The following PTPRT variants were observed in gnomAD, a reference collection of about 807,000 sequenced individuals.
The protein encoded by PTPRT is receptor-type tyrosine-protein phosphatase T.
Under a neutral mutation model 176.8 loss-of-function variants are expected in PTPRT, and 56 were observed. The observed-to-expected ratio is 0.32, with a 90% confidence interval of 0.26 to 0.40. The LOEUF (loss-of-function observed/expected upper bound fraction) is 0.40. Among genes scored for constraint, PTPRT ranks in the 10% least tolerant of loss-of-function variants. PTPRT has a pLI of 1.00. For synonymous variants in PTPRT, 783 were observed against 739.0 expected, an observed-to-expected ratio of 1.06 and a Z score of -0.96; for missense variants, 1,540 against 1,908.2, an observed-to-expected ratio of 0.81 and a Z score of 3.60.
At chr20:42,108,248 G>GTTTA (rs1986660568) in intron 23 of PTPRT, among the ~76,000 whole-genome samples, 1 of 81,982 alleles carries the variant, frequency 1.2e-5, no homozygotes, top group Admixed American at 1.2e-4. Context: ...ACAAAGCTGT[G>GTTTA]TTTATTTCAT....
chr20:42,242,431 G>C (rs539527784), intron 14 of PTPRT, among the ~76,000 whole-genome samples: 3 of 152,328 alleles, frequency 2.0e-5, no homozygotes, highest in African/African-American at 7.2e-5. Flanking sequence ...TGAGGAAATG[G>C]GATGCAAATA....
intron 19 of PTPRT, 86 bp downstream of exon 19, chr20:42,128,668 A>T (rs1325340555): frequency 8.8e-6 from 11 of 1,249,072 alleles, no homozygotes; most frequent in Middle Eastern, 2.5e-4. Context: ...TGGAAGGGCC[A>T]CCTTCTGGAG....
intron 17 of PTPRT, among the ~76,000 whole-genome samples, chr20:42,146,331 C>T (rs1448367098): frequency 6.6e-6 from 1 of 152,158 alleles, no homozygotes. Context: ...AAACATGTCC[C>T]CCTGAAAGTG....
At chr20:43,083,347 T>TACATATATATATATATATATATAC (rs1555828979) in intron 1 of PTPRT, among the ~76,000 whole-genome samples, 5 of 97,784 alleles carry the variant, frequency 5.1e-5, no homozygotes, top group African/African-American at 1.1e-4. Flanking sequence ...TATATATATA[T>TACATATATATATATATATATATAC]ATATATATAT....
chr20:42,429,106 G>A (rs2059192984), intron 9 of PTPRT, among the ~76,000 whole-genome samples: 1 of 152,174 alleles, frequency 6.6e-6, no homozygotes, highest in South Asian at 2.1e-4. Flanking sequence ...GTTTTGTTTA[G>A]TAGTCAGGTC....
chr20:42,452,687 T>C (rs1568892709), intron 8 of PTPRT, among the ~76,000 whole-genome samples: 2 of 152,328 alleles, frequency 1.3e-5, no homozygotes, highest in East Asian at 1.9e-4. Context: ...ACTGTGAGCA[T>C]GAAACTCAAG....
At position 42,079,885 on chromosome 20, in the gene PTPRT, C is replaced by T. The variant is rs191518899; in HGVS notation, c.*994G>A. ...CATTGCCAGGAAAAAATAAAAGGCC[C>T]GAGAGATTTGTCTTAGAGGTACATA... On this transcript the variant is annotated 3_prime_UTR_variant, in exon 31 of 31. Coordinates refer to ENST00000373187, the MANE Select transcript of PTPRT (RefSeq NM_007050.6). The T allele has an allele frequency of 5.2e-5, 12 of 232,006 alleles. No individual in the cohort carries two copies. Among genetic ancestry groups the T allele is most frequent in the Non-Finnish European group, 1.0e-4 (12 of 117,368 alleles). 14.4% of individuals were successfully genotyped at this position (232,006 alleles called of 1,614,324 possible). A position where few individuals can be genotyped will look rare whatever the true frequency, so the allele number is the denominator to read the frequency against.
chr20:42,843,300 G>A (rs553790125), intron 2 of PTPRT, among the ~76,000 whole-genome samples: 39 of 152,182 alleles, frequency 2.6e-4, no homozygotes, highest in Non-Finnish European at 4.7e-4. Flanking sequence ...CCCGGCCTTC[G>A]TATGCTGATG....
chr20:42,542,504 G>C (rs2072601636), intron 7 of PTPRT, among the ~76,000 whole-genome samples: 1 of 152,112 alleles, frequency 6.6e-6, no homozygotes, highest in South Asian at 2.1e-4. Flanking sequence ...GACAGGACAA[G>C]TTAAAAATGT....
intron 12 of PTPRT, among the ~76,000 whole-genome samples, chr20:42,315,449 A>G (rs1414504298): frequency 2.0e-5 from 3 of 152,296 alleles, no homozygotes; most frequent in Non-Finnish European, 4.4e-5. Context: ...GGTTTTATGT[A>G]AAAAGCCATA....
At chr20:42,304,445 T>C (rs540654262) in intron 12 of PTPRT, among the ~76,000 whole-genome samples, 1 of 152,286 alleles carries the variant, frequency 6.6e-6, no homozygotes, top group East Asian at 1.9e-4. Context: ...TTATTCATCT[T>C]ATTATTTAAT....
At chr20:42,587,338 G>A (rs1010417828) in intron 7 of PTPRT, among the ~76,000 whole-genome samples, 1 of 152,230 alleles carries the variant, frequency 6.6e-6, no homozygotes, top group Non-Finnish European at 1.5e-5. Context: ...TGCCCAGCAT[G>A]GGGTCTGGCT....
At chr20:42,473,371 GA>G (rs1568911387) in intron 7 of PTPRT, among the ~76,000 whole-genome samples, 2 of 150,478 alleles carry the variant, frequency 1.3e-5, no homozygotes, top group Admixed American at 6.7e-5. Flanking sequence ...ACATTAAATA[GA>G]TTTTTTTAAT....
chr20:42,240,686 TCATG>T (rs1298216758), intron 14 of PTPRT, among the ~76,000 whole-genome samples: 1 of 121,086 alleles, frequency 8.3e-6, no homozygotes, highest in African/African-American at 3.1e-5. Flanking sequence ...ATCCATGCAT[TCATG>T]CATGCATGCA....
intron 21 of PTPRT, chr20:42,116,158 C>A: frequency 1.4e-6 from 1 of 712,550 alleles, no homozygotes; most frequent in South Asian, 1.5e-5. Flanking sequence ...GTTTTGTGGT[C>A]AAATGAGTTT....
intron 1 of PTPRT, among the ~76,000 whole-genome samples, chr20:42,934,501 C>T (rs73271788): frequency 0.018 from 2,738 of 152,240 alleles, 99 homozygotes; most frequent in African/African-American, 0.063. Context: ...TCTCACAAGG[C>T]TGTAATCAAG....
chr20:42,912,202 C>T (rs1978440998), intron 1 of PTPRT, among the ~76,000 whole-genome samples: 1 of 152,090 alleles, frequency 6.6e-6, no homozygotes, highest in Non-Finnish European at 1.5e-5. Context: ...TCCTTGCATC[C>T]TCACTAGTAC....
intron 1 of PTPRT, among the ~76,000 whole-genome samples, chr20:42,955,298 C>T (rs766270908): frequency 2.0e-5 from 3 of 152,146 alleles, no homozygotes; most frequent in Non-Finnish European, 4.4e-5. Context: ...TAAAGTTGCA[C>T]GGCTGAAAAA....
intron 30 of PTPRT, 137 bp downstream of exon 30, chr20:42,081,745 T>C (rs1172229109): frequency 1.7e-6 from 2 of 1,158,308 alleles, no homozygotes; most frequent in Non-Finnish European, 1.3e-6. Flanking sequence ...CAGACAACAG[T>C]GCATACCAAG....
Sources: allele counts gnomAD v4.1 joint callset (sites outside exome capture counted in the v4.1 genomes callset), GRCh38; gene constraint gnomAD v4.1.1; transcripts MANE v1.5; gene names NCBI Gene and HGNC (gene_info 2026-07-23, HGNC 2026-07-21).